Variants in PKP4 observed in about 807,000 individuals in gnomAD.
PKP4 encodes the protein plakophilin 4.
A neutral mutation model predicts 145.1 loss-of-function variants in PKP4; 90 were observed. The observed-to-expected ratio is 0.62, with a 90% CI of 0.52 to 0.74. The LOEUF (loss-of-function observed/expected upper bound fraction) is 0.74, where lower values mean the gene tolerates loss of function less well. PKP4 is among the 30% of genes least tolerant of loss of function. The pLI, the probability that PKP4 is intolerant of heterozygous loss-of-function variation, is 0.00. For missense variants in PKP4, 1,340 were observed against 1,482.7 expected (o/e 0.90, Z 1.58); for synonymous variants, 563 against 577.2 (o/e 0.98, Z 0.35).
At chr2:158,464,607 G>A (rs1434164723) in intron 1 of PKP4, among the ~76,000 whole-genome samples, 1 of 152,232 alleles carries the variant, frequency 6.6e-6, no homozygotes, top group Non-Finnish European at 1.5e-5. Flanking sequence ...ACTATTGTAT[G>A]CAGTATTAAA....
Position 158,496,790 on chromosome 2 carries a change from G to GTGTGTGTC in PKP4, c.-5-36385_-5-36384insGTCTGTGT, listed in dbSNP as rs146738816. Among the ~76,000 whole-genome samples the GTGTGTGTC allele has an allele frequency of 1.3e-3, 188 of 150,070 alleles. 1 individual carries two copies. Among genetic ancestry groups the GTGTGTGTC allele is most frequent in the African/African-American group, 4.1e-3 (168 of 40,946 alleles). On this transcript the variant is annotated intron_variant, in intron 1 of 21. Coordinates refer to ENST00000389759, the MANE Select transcript of PKP4 (RefSeq NM_003628.6). ...TGTGTGTGTGTGTGTGTGTGTGTGTGTGTGTCTGTGTGTCTCACTCTCTCT... is the reference window on the plus strand; with the variant it reads ...TGTGTGTGTGTGTGTGTGTGTGTGTGTGTGTGTCTGTGTCTGTGTGTCTCACTCTCTCT...
chr2:158,636,351 T>A (rs1489934913), intron 9 of PKP4, among the ~76,000 whole-genome samples: 1 of 152,152 alleles, frequency 6.6e-6, no homozygotes, highest in East Asian at 1.9e-4. Flanking sequence ...AAGATGTCAT[T>A]CATTGTCTTC....
intron 16 of PKP4, among the ~76,000 whole-genome samples, chr2:158,667,866 T>G (rs956026338): frequency 6.6e-6 from 1 of 152,216 alleles, no homozygotes; most frequent in African/African-American, 2.4e-5. Flanking sequence ...TAAAGAGAGA[T>G]ATTCTTTAAA....
Position 158,680,654 on chromosome 2 carries a change from G to C in PKP4, c.3556G>C (p.Gly1186Arg), listed in dbSNP as rs1259111542. The C allele has an allele frequency of 6.2e-7, 1 of 1,613,056 alleles. No homozygotes were observed. The highest frequency in any genetic ancestry group is 1.3e-5 in the African/African-American group (1 of 74,886). The change falls in exon 22 of 22, where the codon GGG (glycine) becomes CGG (arginine). Residue 1186 changes from glycine (G) to arginine (R), a missense_variant. Transcript: ENST00000389759. ...TTCTTATAGAGCAGAACAGTACCCA[G>C]GGTCCCCAGACTCATGGGTGTAGCA... ...RPSYRAEQYP[G>R]SPDSWV
At chr2:158,508,366 CA>C (rs747754927) in intron 1 of PKP4, among the ~76,000 whole-genome samples, 1,347 of 115,874 alleles carry the variant, frequency 0.012, 5 homozygotes, top group Non-Finnish European at 0.016. Context: ...AACTCCGTCT[CA>C]AAAAAAAAAA....
chr2:158,675,230 C>T (rs571843343), intron 19 of PKP4, among the ~76,000 whole-genome samples: 7 of 152,088 alleles, frequency 4.6e-5, no homozygotes, highest in African/African-American at 1.2e-4. Context: ...GTCCAATCTG[C>T]GGCCCATGGG....
chr2:158,529,268 CT>C (rs1281911226), intron 1 of PKP4, among the ~76,000 whole-genome samples: 1 of 152,214 alleles, frequency 6.6e-6, no homozygotes, highest in Non-Finnish European at 1.5e-5. Context: ...AGCTTTTAGT[CT>C]GGCTCTTGGG....
chr2:158,467,494 G>T (rs936314688), intron 1 of PKP4, among the ~76,000 whole-genome samples: 58 of 150,574 alleles, frequency 3.9e-4, no homozygotes, highest in African/African-American at 1.3e-3. Context: ...CAAGACTGCA[G>T]TGAGCCATGA....
intron 2 of PKP4, among the ~76,000 whole-genome samples, chr2:158,552,619 G>A (rs2045728864): frequency 6.6e-6 from 1 of 152,166 alleles, no homozygotes; most frequent in African/African-American, 2.4e-5. Flanking sequence ...CTAGAGGAAA[G>A]AAAGGTGATT....
At chr2:158,570,902 G>A (rs1202191811) in intron 2 of PKP4, among the ~76,000 whole-genome samples, 1 of 152,162 alleles carries the variant, frequency 6.6e-6, no homozygotes, top group Non-Finnish European at 1.5e-5. Context: ...AACAAGATAT[G>A]TTCTCAGATG....
At chr2:158,597,491 G>A (rs2049854555) in intron 3 of PKP4, among the ~76,000 whole-genome samples, 2 of 152,270 alleles carry the variant, frequency 1.3e-5, no homozygotes, top group East Asian at 1.9e-4. Context: ...AATGTGAAAA[G>A]TGCAAAAATA....
intron 3 of PKP4, among the ~76,000 whole-genome samples, chr2:158,583,133 G>T (rs1325573684): frequency 6.6e-6 from 1 of 152,174 alleles, no homozygotes; most frequent in Admixed American, 6.5e-5. Context: ...TCTCCCACGG[G>T]CTAAGCAACA....
At chr2:158,565,727 C>T (rs3771609) in intron 2 of PKP4, among the ~76,000 whole-genome samples, 70,445 of 151,838 alleles carry the variant, frequency 0.46, 17,311 homozygotes, top group South Asian at 0.67. Context: ...AGGTTGGACG[C>T]AGCCTGTAGC....
At chr2:158,610,202 T>C (rs1266648553) in intron 4 of PKP4, among the ~76,000 whole-genome samples, 1 of 152,204 alleles carries the variant, frequency 6.6e-6, no homozygotes, top group East Asian at 1.9e-4. Flanking sequence ...GCATGTCTTA[T>C]AACCTTGTGT....
At chr2:158,518,121 G>A (rs2042076474) in intron 1 of PKP4, among the ~76,000 whole-genome samples, 1 of 152,130 alleles carries the variant, frequency 6.6e-6, no homozygotes, top group Non-Finnish European at 1.5e-5. Flanking sequence ...GGTTCTTCTG[G>A]TCTGGCCTAG....
chr2:158,520,769 T>A (rs1234603551), intron 1 of PKP4, among the ~76,000 whole-genome samples: 1 of 152,242 alleles, frequency 6.6e-6, no homozygotes. Flanking sequence ...CCTTGCCACC[T>A]ATGCATGCGT....
chr2:158,664,612 G>T (rs748156149), intron 15 of PKP4, among the ~76,000 whole-genome samples: 10 of 152,138 alleles, frequency 6.6e-5, no homozygotes, highest in South Asian at 2.1e-4. Context: ...GGTTTGTTTC[G>T]TGCACGTGGC....
chr2:158,503,666 A>G (rs914195190), intron 1 of PKP4, among the ~76,000 whole-genome samples: 3 of 152,208 alleles, frequency 2.0e-5, no homozygotes, highest in Non-Finnish European at 4.4e-5. Flanking sequence ...AGCTGAGCAA[A>G]GTTTGTATCA....
chr2:158,536,649 G>A (rs1226593505), intron 2 of PKP4, among the ~76,000 whole-genome samples: 2 of 152,140 alleles, frequency 1.3e-5, no homozygotes, highest in East Asian at 3.9e-4. Flanking sequence ...ATCCTCCAGT[G>A]CCAGAAGCTA....
Sources: gnomAD v4.1 joint callset for allele counts (sites outside exome capture counted in the v4.1 genomes callset) on GRCh38, gnomAD v4.1.1 for gene constraint, MANE v1.5 for transcripts, NCBI Gene and HGNC (gene_info 2026-07-23, HGNC 2026-07-21) for gene names.